SPATA2: variants seen among roughly 807,000 people sequenced by gnomAD.
The protein encoded by SPATA2 is spermatogenesis associated 2.
Under a neutral mutation model 35.4 loss-of-function variants are expected in SPATA2, and 8 were observed. That is an observed-to-expected ratio of 0.23 (90% CI 0.13 to 0.41). The LOEUF (loss-of-function observed/expected upper bound fraction) is 0.41, where lower values mean the gene tolerates loss of function less well. SPATA2 is among the 10% of genes least tolerant of loss of function. The pLI is 1.00. For synonymous variants in SPATA2, 293 were observed against 300.9 expected (o/e 0.97, Z 0.27); for missense variants, 650 against 698.7 (o/e 0.93, Z 0.79).
intron 1 of SPATA2, among the ~76,000 whole-genome samples, chr20:49,911,918 C>T (rs1351922067): frequency 1.3e-5 from 2 of 152,092 alleles, no homozygotes; most frequent in Non-Finnish European, 2.9e-5. Flanking sequence ...ATTCCTCTCA[C>T]CACCCCACGA....
In SPATA2 at chr20:49,906,964, A is replaced by G. The variant is rs1390043779; in HGVS notation, c.337-119T>C. On this transcript the variant is annotated intron_variant, in intron 2 of 2. Coordinates refer to ENST00000289431, the MANE Select transcript of SPATA2 (RefSeq NM_006038.4). The surrounding 1 kb of genome is among the most constrained non-coding windows in gnomAD (Gnocchi z 8.2). Reference sequence around the variant, plus strand: ...TGGGGCGGCGGGGAGAGGGCAGGGCAGGGAAGGATCTCGACAGCCTCACCC... The same window carrying G: ...TGGGGCGGCGGGGAGAGGGCAGGGCGGGGAAGGATCTCGACAGCCTCACCC... 2 of 1,151,790 alleles carry G rather than the reference A, an allele frequency of 1.7e-6. No individual in the cohort carries two copies. The highest frequency in any genetic ancestry group is 2.4e-6 in the Non-Finnish European group (2 of 823,264). The allele number at this position is 1,151,790 out of a possible 1,614,324, so 71.3% of individuals were successfully genotyped here.
rs545890227 is a variant in SPATA2 at position 49,904,527 on chromosome 20, T to C, written c.*1092A>G. 6.5e-6 allele frequency: 1 copy of C among 152,708 alleles called. No homozygotes were observed. The highest frequency in any genetic ancestry group is 2.1e-4 in the South Asian group (1 of 4,820). 9.5% of individuals were successfully genotyped at this position (152,708 alleles called of 1,614,324 possible). A position where few individuals can be genotyped will look rare whatever the true frequency, so the allele number is the denominator to read the frequency against. ...AGGTCCGACAGGTGAGGTCCCTGAA[T>C]TGTCATAGGTTAGCAGTCTGCAGAC... On this transcript the variant is annotated 3_prime_UTR_variant, in exon 3 of 3. Coordinates refer to ENST00000289431, the MANE Select transcript of SPATA2 (RefSeq NM_006038.4).
intron 1 of SPATA2, among the ~76,000 whole-genome samples, chr20:49,910,451 C>A (rs1455283750): frequency 6.6e-6 from 1 of 152,162 alleles, no homozygotes; most frequent in African/African-American, 2.4e-5. Flanking sequence ...GGGGCAAATA[C>A]CTCTGACTGG....
Position 49,906,946 on chromosome 20 carries a change from G to A in SPATA2, c.337-101C>T, listed in dbSNP as rs2146829944. ...GGATGTCCAGCTCTGAAGTGGGGCG[G>A]CGGGGAGAGGGCAGGGCAGGGAAGG... is the stretch of plus-strand genomic sequence containing the variant. On this transcript the variant is annotated intron_variant, in intron 2 of 2. Transcript: ENST00000289431. This position sits in a 1 kb window ranked among gnomAD's most constrained non-coding sequence, Gnocchi z 8.2. The A allele has an allele frequency of 3.0e-6, 4 of 1,331,704 alleles. No homozygotes were observed. The East Asian group carries it at 9.7e-5, about 32-fold the overall frequency. 82.5% of individuals were successfully genotyped at this position (1,331,704 alleles called of 1,614,324 possible).
intron 2 of SPATA2, among the ~76,000 whole-genome samples, chr20:49,907,439 A>C (rs1027673637): frequency 2.0e-5 from 3 of 152,184 alleles, no homozygotes; most frequent in Non-Finnish European, 4.4e-5. Flanking sequence ...ATGAAGAGAG[A>C]GCCTGGGCAA....
At chr20:49,911,345 T>C (rs1341976003) in intron 1 of SPATA2, among the ~76,000 whole-genome samples, 1 of 152,034 alleles carries the variant, frequency 6.6e-6, no homozygotes, top group African/African-American at 2.4e-5. Context: ...ACACAGAGCC[T>C]GCCTGTGCTT....
chr20:49,909,865 G>T (rs1351283056), intron 1 of SPATA2, among the ~76,000 whole-genome samples: 1 of 152,246 alleles, frequency 6.6e-6, no homozygotes, highest in Non-Finnish European at 1.5e-5. Flanking sequence ...TTACAGCGAG[G>T]GGAGAGAGAT....
At chr20:49,910,465 G>A (rs555071949) in intron 1 of SPATA2, among the ~76,000 whole-genome samples, 1 of 152,270 alleles carries the variant, frequency 6.6e-6, no homozygotes, top group Non-Finnish European at 1.5e-5. Flanking sequence ...TGACTGGGTG[G>A]TAGATGTGCA....
At position 49,903,634 on chromosome 20, in the gene SPATA2, TGTTA is replaced by T. The variant is rs1378728992; in HGVS notation, c.*1981_*1984del. 6.6e-6 allele frequency: 1 copy of T among 152,064 alleles called. No homozygotes were observed. The highest frequency in any genetic ancestry group is 1.5e-5 in the Non-Finnish European group (1 of 67,998). 9.4% of individuals were successfully genotyped at this position (152,064 alleles called of 1,614,324 possible). A position where few individuals can be genotyped will look rare whatever the true frequency, so the allele number is the denominator to read the frequency against. On this transcript the variant is annotated 3_prime_UTR_variant, in exon 3 of 3. Transcript: ENST00000289431. The stretch of plus-strand genomic sequence containing the variant: ...ACACTGGACTTTCCCTCCTAGGATG[TGTTA>T]GTCATTCCTGCTTTTGTCCATAGGG...
At chr20:49,910,111 T>C (rs1484526091) in intron 1 of SPATA2, among the ~76,000 whole-genome samples, 1 of 152,130 alleles carries the variant, frequency 6.6e-6, no homozygotes, top group Non-Finnish European at 1.5e-5. Context: ...ACCACAACGC[T>C]GGGAGCGAAT....
chr20:49,908,938 G>T (rs185519195), intron 1 of SPATA2, among the ~76,000 whole-genome samples: 1 of 152,202 alleles, frequency 6.6e-6, no homozygotes, highest in African/African-American at 2.4e-5. Context: ...AGGCCAAGAG[G>T]CCGGGGAAGG....
Position 49,903,902 on chromosome 20 carries a change from G to GAGATAT in SPATA2, c.*1716_*1717insATATCT, listed in dbSNP as rs2090122357. The stretch of plus-strand genomic sequence containing the variant: ...ACATCTACATGTGATCTACCAGATA[G>GAGATAT]ATATATATATATATATATATATATA... On this transcript the variant is annotated 3_prime_UTR_variant, in exon 3 of 3. Transcript: ENST00000289431. The GAGATAT allele has an allele frequency of 1.0e-5, 1 of 96,930 alleles. No homozygotes were observed. Among genetic ancestry groups the GAGATAT allele is most frequent in the African/African-American group, 4.7e-5 (1 of 21,328 alleles). 6.0% of individuals were successfully genotyped at this position (96,930 alleles called of 1,614,324 possible). A position where few individuals can be genotyped will look rare whatever the true frequency, so the allele number is the denominator to read the frequency against.
chr20:49,910,921 C>T (rs2090179111), intron 1 of SPATA2, among the ~76,000 whole-genome samples: 1 of 152,220 alleles, frequency 6.6e-6, no homozygotes, highest in Non-Finnish European at 1.5e-5. Context: ...GAGGCAAACA[C>T]ATCCATTTAG....
At chr20:49,908,889 C>T (rs1419573275) in intron 1 of SPATA2, among the ~76,000 whole-genome samples, 1 of 152,210 alleles carries the variant, frequency 6.6e-6, no homozygotes, top group Non-Finnish European at 1.5e-5. Context: ...GGAAAGCCCT[C>T]TTGAGACAGC....
rs1320757072 is a variant in SPATA2, at chr20:49,906,420, C to T, written c.762G>A (p.Val254=). The change falls in exon 3 of 3, where the codon GTG becomes GTA. Residue 254 remains valine (V), a synonymous_variant. Transcript: ENST00000289431. The surrounding 1 kb of genome is among the most constrained non-coding windows in gnomAD (Gnocchi z 8.2). ...TCTCCCAGTAGCTGTCATAGGCATC[C>T]ACTGACCTCGAGGGCTTGGTCACGC... is the stretch of plus-strand genomic sequence containing the variant. The part of the protein sequence containing the change: ...KPRVTKPSRS[V]DAYDSYWESR... The T allele has an allele frequency of 2.0e-5, 32 of 1,613,220 alleles. No individual in the cohort carries two copies. The highest frequency in any genetic ancestry group is 2.7e-5 in the Non-Finnish European group (32 of 1,180,010).
chr20:49,910,890 A>G lies in SPATA2; in HGVS notation c.-102-2298T>C, dbSNP rs533437079. 3.9e-5 allele frequency among the ~76,000 whole-genome samples: 6 copies of G among 152,334 alleles called. No homozygotes were observed. In the South Asian group the frequency reaches 1.2e-3, roughly 32 times the overall value. On this transcript the variant is annotated intron_variant, in intron 1 of 2. Coordinates refer to ENST00000289431, the MANE Select transcript of SPATA2 (RefSeq NM_006038.4). ...TGAGGGAGCCCAGTGCTACAGTGAC[A>G]AATAAGGCTGAGGAGTACAGGAGGC...
chr20:49,907,395 C>T (rs968290962), intron 2 of SPATA2, among the ~76,000 whole-genome samples: 1 of 152,156 alleles, frequency 6.6e-6, no homozygotes, highest in Non-Finnish European at 1.5e-5. Flanking sequence ...CAAAACCTCT[C>T]GCTTCCTAGT....
Position 49,906,061 on chromosome 20 carries a change from G to A in SPATA2, c.1121C>T (p.Pro374Leu), listed in dbSNP as rs754950677. Reference sequence around the variant, plus strand: ...CTTGGAGAGGGCGGACTCTTTGGCAGGGGGCGAGCGCTTGTGGTAGAGGGA... The same window carrying A: ...CTTGGAGAGGGCGGACTCTTTGGCAAGGGGCGAGCGCTTGTGGTAGAGGGA... The part of the protein sequence containing the change: ...AHSLYHKRSP[P>L]AKESALSKCQ... The change falls in exon 3 of 3, where the codon CCT becomes CTT. Residue 374 changes from proline (P) to leucine (L), a missense_variant. Coordinates refer to ENST00000289431, the MANE Select transcript of SPATA2 (RefSeq NM_006038.4). The surrounding 1 kb of genome is among the most constrained non-coding windows in gnomAD (Gnocchi z 8.2). 2.5e-6 allele frequency: 4 copies of A among 1,606,596 alleles called. No homozygotes were observed. Among genetic ancestry groups the A allele is most frequent in the Non-Finnish European group, 1.7e-6 (2 of 1,179,236 alleles).
At chr20:49,908,815 A>G (rs897329103) in intron 1 of SPATA2, among the ~76,000 whole-genome samples, 2 of 152,196 alleles carry the variant, frequency 1.3e-5, no homozygotes, top group Non-Finnish European at 2.9e-5. Context: ...TATTCCTGAA[A>G]GAGAAATTCG....
Sources: gnomAD v4.1 joint callset for allele counts (sites outside exome capture counted in the v4.1 genomes callset) on GRCh38, gnomAD v4.1.1 for gene constraint, Gnocchi (gnomAD v3.1) non-coding constraint, MANE v1.5 for transcripts, NCBI Gene and HGNC (gene_info 2026-07-23, HGNC 2026-07-21) for gene names.